The following ZBED6 variants were observed in gnomAD, a reference collection of about 807,000 sequenced individuals.
ZBED6 encodes the protein zinc finger BED-type containing 6, also known as zinc finger BED domain-containing protein 6.
In ZBED6, 40 loss-of-function variants were observed where a neutral mutation model predicts 58.4. That is an observed-to-expected ratio of 0.68 (90% CI 0.53 to 0.89). The LOEUF (loss-of-function observed/expected upper bound fraction) is 0.89, where lower values mean the gene tolerates loss of function less well. ZBED6 is among the 40% of genes least tolerant of loss of function. The pLI is 0.00. For missense variants in ZBED6, 1,057 were observed against 1,003.9 expected, an observed-to-expected ratio of 1.05 and a Z score of -0.71; for synonymous variants, 439 against 350.6, an observed-to-expected ratio of 1.25 and a Z score of -2.82.
intron 8 of ZBED6, 116 bp downstream of exon 8, chr1:203,831,887 G>A (rs1300645801): frequency 9.1e-6 from 7 of 768,386 alleles, no homozygotes; most frequent in African/African-American, 1.8e-5. Flanking sequence ...TTAGTATGCT[G>A]ATGAGATAAT....
At chr1:203,849,661 G>A (rs1446717059) in intron 13 of ZBED6, 50 bp from the exon 14 acceptor site, 1 of 1,563,436 alleles carries the variant, frequency 6.4e-7, no homozygotes, top group Non-Finnish European at 8.8e-7. Flanking sequence ...ACATCATACA[G>A]GTTATTAGAG....
chr1:203,837,917 T>C, intron 9 of ZBED6, 49 bp from the exon 10 acceptor site: 1 of 1,558,872 alleles, frequency 6.4e-7, no homozygotes, highest in Non-Finnish European at 8.8e-7. Flanking sequence ...TTTCTTGTCC[T>C]TGCTGAAGAT....
chr1:203,834,907 G>A (rs1683763571), intron 9 of ZBED6, among the ~76,000 whole-genome samples: 1 of 152,224 alleles, frequency 6.6e-6, no homozygotes, highest in Non-Finnish European at 1.5e-5. Context: ...GCCTCCCAAA[G>A]TGCTGGGATT....
At chr1:203,848,444 A>T in intron 13 of ZBED6, 37 bp downstream of exon 13, 2 of 1,514,112 alleles carry the variant, frequency 1.3e-6, no homozygotes, top group Non-Finnish European at 1.8e-6. Context: ...TGTTCATGGC[A>T]AACAAAGGCT....
At chr1:203,852,606 C>T (rs1329002763) in exon 17 of ZBED6, 10 of 588,942 alleles carry the variant, frequency 1.7e-5, no homozygotes, top group Non-Finnish European at 2.6e-5. Flanking sequence ...CCATTTGATG[C>T]CATTGTTTAT....
At position 203,830,925 on chromosome 1, in the gene ZBED6, A is replaced by ATTT. The variant is rs774771270; in HGVS notation, c.*3400-700_*3400-698dup. On this transcript the variant is annotated intron_variant, in intron 7 of 16. Transcript: ENST00000550078. The stretch of plus-strand genomic sequence containing the variant: ...GATTGCTCTGTATTTCCAACCCCCA[A>ATTT]TTTTTTTTTTTTTTTTTTTTTTTTT... Among the ~76,000 whole-genome samples, 11 of 51,384 alleles carry ATTT rather than the reference A, an allele frequency of 2.1e-4. 1 individual carries two copies. The highest frequency in any genetic ancestry group is 7.1e-4 in the African/African-American group (10 of 14,090). 33.7% of individuals were successfully genotyped at this position (51,384 alleles called of 152,430 possible).
chr1:203,837,944 A>G (rs770068302), intron 9 of ZBED6, 22 bp from the exon 10 acceptor site: 1 of 1,599,570 alleles, frequency 6.3e-7, no homozygotes, highest in Admixed American at 1.8e-5. Flanking sequence ...GAAATCTTAA[A>G]CTAAGTTCTC....
chr1:203,819,449 T>A (rs1250284247), intron 3 of ZBED6, among the ~76,000 whole-genome samples: 3 of 151,340 alleles, frequency 2.0e-5, no homozygotes, highest in Admixed American at 6.6e-5. Context: ...CTCGAACTCC[T>A]GACTTCAGGT....
At chr1:203,850,250 A>G (rs532916497) in intron 14 of ZBED6, 33 of 650,430 alleles carry the variant, frequency 5.1e-5, no homozygotes, top group Middle Eastern at 4.1e-4. Flanking sequence ...AAAACTTTCT[A>G]TGGTGCATCT....
intron 11 of ZBED6, among the ~76,000 whole-genome samples, chr1:203,840,605 A>ATTAT (rs534962124): frequency 0.17 from 25,246 of 147,608 alleles, 2,415 homozygotes; most frequent in Admixed American, 0.29. Flanking sequence ...ATAGTAGGAA[A>ATTAT]TTATTTATTT....
In ZBED6 at chr1:203,798,898, AGT is replaced by A; in HGVS notation, c.1377_1378del (p.Gln459HisfsTer3). On this transcript the variant is annotated frameshift_variant, in exon 1 of 17. Coordinates refer to ENST00000550078, the Ensembl canonical transcript of ZBED6. LOFTEE classifies it high-confidence loss of function. ...TACTTTTTCACTAAGGCTGTACCTC[AGT>A]TATATGATTGTGTCAGAGAAAAAAT... 6.5e-7 allele frequency: 1 copy of A among 1,536,124 alleles called. No individual in the cohort carries two copies. The highest frequency in any genetic ancestry group is 8.7e-7 in the Non-Finnish European group (1 of 1,146,910).
chr1:203,817,203 G>T, intron 2 of ZBED6, 79 bp downstream of exon 2: 3 of 1,260,384 alleles, frequency 2.4e-6, no homozygotes, highest in East Asian at 2.6e-5. Flanking sequence ...AACATTTTAA[G>T]TTGTTTTTAT....
intron 1 of ZBED6, among the ~76,000 whole-genome samples, chr1:203,803,479 C>T (rs1671151409): frequency 6.6e-6 from 1 of 152,236 alleles, no homozygotes; most frequent in Non-Finnish European, 1.5e-5. Context: ...GCATGAGCCA[C>T]CGCCTCTGGC....
intron 9 of ZBED6, among the ~76,000 whole-genome samples, chr1:203,834,945 C>T (rs1018537058): frequency 6.6e-6 from 1 of 152,226 alleles, no homozygotes; most frequent in African/African-American, 2.4e-5. Flanking sequence ...CTCTGGCCTT[C>T]AAAAAATTAT....
Position 203,804,780 on chromosome 1 carries a change from C to G in ZBED6, c.*2554+1764C>G, listed in dbSNP as rs1427980272. ...CTCTGCCTTCCAGGTTCAAGTGATT[C>G]TTCTGTCTCAGCCTCCCAAGTAGCT... On this transcript the variant is annotated intron_variant, in intron 1 of 16. Coordinates refer to ENST00000550078, the Ensembl canonical transcript of ZBED6. Among the ~76,000 whole-genome samples the G allele has an allele frequency of 2.7e-5, 4 of 149,868 alleles. No homozygotes were observed. The East Asian group carries it at 6.0e-4, about 22-fold the overall frequency.
chr1:203,802,780 C>T (rs1479895123), exon 1 of ZBED6: 1 of 147,090 alleles, frequency 6.8e-6, no homozygotes, highest in Non-Finnish European at 1.5e-5. Context: ...CCCTAGCTGT[C>T]TCCAGTCTGA....
rs1013111693 is a variant in ZBED6, at chr1:203,808,314, A to G, written c.*2554+5298A>G. 4.6e-5 allele frequency among the ~76,000 whole-genome samples: 7 copies of G among 152,192 alleles called. No homozygotes were observed. In the South Asian group the frequency reaches 1.0e-3, roughly 22 times the overall value. On this transcript the variant is annotated intron_variant, in intron 1 of 16. Coordinates refer to ENST00000550078, the Ensembl canonical transcript of ZBED6. ...TCAGATGAGAAGTCTAATAATGTCA[A>G]GTCTGATTTTCTTTCCTTTGTTGTC...
At chr1:203,849,212 A>G (rs1430190724) in intron 13 of ZBED6, among the ~76,000 whole-genome samples, 1 of 152,140 alleles carries the variant, frequency 6.6e-6, no homozygotes, top group Non-Finnish European at 1.5e-5. Flanking sequence ...TTATATATGC[A>G]TGCATGTGAA....
chr1:203,843,137 G>T (rs920628158), intron 11 of ZBED6, among the ~76,000 whole-genome samples: 4 of 152,110 alleles, frequency 2.6e-5, no homozygotes, highest in Non-Finnish European at 4.4e-5. Flanking sequence ...ATTATTCAGA[G>T]ATTTCTAGGG....
Sources: allele counts gnomAD v4.1 joint callset (sites outside exome capture counted in the v4.1 genomes callset), GRCh38; gene constraint gnomAD v4.1.1; transcripts MANE v1.5; gene names NCBI Gene and HGNC (gene_info 2026-07-23, HGNC 2026-07-21).